The following COL15A1 variants were observed in gnomAD, a reference collection of about 807,000 sequenced individuals.
COL15A1 encodes collagen alpha-1(XV) chain.
A neutral mutation model predicts 165.9 loss-of-function variants in COL15A1; 111 were observed. The ratio of observed to expected loss-of-function variants is 0.67; its 90% CI spans 0.57 to 0.78. COL15A1 has a LOEUF of 0.78. Among genes scored for constraint, COL15A1 ranks in the 30% least tolerant of loss-of-function variants. The pLI is 0.00. For missense variants in COL15A1, 1,745 were observed against 1,789.7 expected (o/e 0.98, Z 0.45); for synonymous variants, 659 against 674.8 (o/e 0.98, Z 0.36).
chr9:99,009,358 T>C (rs1004957679), intron 9 of COL15A1, among the ~76,000 whole-genome samples: 1 of 152,244 alleles, frequency 6.6e-6, no homozygotes, highest in Non-Finnish European at 1.5e-5. Context: ...AGGAATTTCA[T>C]ACAACTCTGA....
intron 12 of COL15A1, 143 bp downstream of exon 12, chr9:99,020,585 A>G: frequency 1.6e-6 from 1 of 633,058 alleles, no homozygotes; most frequent in Non-Finnish European, 2.8e-6. Flanking sequence ...ATGGACTTGT[A>G]GGTCTGGGAG....
In COL15A1 at chr9:99,003,594, A is replaced by G. The variant is rs756431356; in HGVS notation, c.1200+7A>G. ...AGAGGAAGGGGTCACTCCAGTAAGT[A>G]GCTCAGAGCGCAAGCTCCCCTTCAC... is the stretch of plus-strand genomic sequence containing the variant. On this transcript the variant is annotated splice_region_variant and intron_variant, in intron 8 of 41. Coordinates refer to ENST00000375001, the MANE Select transcript of COL15A1 (RefSeq NM_001855.5). The G allele has an allele frequency of 4.1e-6, 6 of 1,478,046 alleles. No individual in the cohort carries two copies. Among genetic ancestry groups the G allele is most frequent in the Non-Finnish European group, 4.5e-6 (5 of 1,111,400 alleles). The allele number at this position is 1,478,046 out of a possible 1,614,324, so 91.6% of individuals were successfully genotyped here.
At chr9:98,945,226 T>A (rs1189047765) in intron 2 of COL15A1, among the ~76,000 whole-genome samples, 2 of 152,220 alleles carry the variant, frequency 1.3e-5, no homozygotes, top group Non-Finnish European at 2.9e-5. Flanking sequence ...TGGTCATGTG[T>A]GGTTTTTTAC....
At chr9:99,020,519 A>T in intron 12 of COL15A1, 77 bp downstream of exon 12, 2 of 1,038,536 alleles carry the variant, frequency 1.9e-6, no homozygotes, top group South Asian at 2.6e-5. Flanking sequence ...GGTTTGATTT[A>T]GCCCACTCTG....
chr9:99,023,741 G>A (rs527514994), intron 14 of COL15A1, among the ~76,000 whole-genome samples: 3 of 152,300 alleles, frequency 2.0e-5, no homozygotes, highest in South Asian at 4.1e-4. Context: ...CTGCCCTGCA[G>A]CAGGTGTGCC....
At chr9:99,016,202 G>A in intron 11 of COL15A1, 83 bp downstream of exon 11, 1 of 1,471,998 alleles carries the variant, frequency 6.8e-7, no homozygotes, top group Non-Finnish European at 9.0e-7. Flanking sequence ...GGAAGGGCTG[G>A]CCCCCAGCTT....
At chr9:98,974,445 T>C (rs1228842709) in intron 2 of COL15A1, among the ~76,000 whole-genome samples, 2 of 152,074 alleles carry the variant, frequency 1.3e-5, no homozygotes, top group Admixed American at 6.5e-5. Context: ...GAAAGAACCG[T>C]CCCAGAAGAT....
chr9:99,012,627 C>G (rs532345748), intron 9 of COL15A1, among the ~76,000 whole-genome samples: 12 of 151,728 alleles, frequency 7.9e-5, no homozygotes, highest in African/African-American at 2.9e-4. Flanking sequence ...GAAGAGGCAC[C>G]ATAAAACCAA....
intron 16 of COL15A1, among the ~76,000 whole-genome samples, chr9:99,027,202 G>T (rs779630149): frequency 6.6e-6 from 1 of 152,196 alleles, no homozygotes; most frequent in Non-Finnish European, 1.5e-5. Context: ...GATGCGATCA[G>T]TGGGTTTTAC....
intron 5 of COL15A1, among the ~76,000 whole-genome samples, chr9:98,995,495 TC>T (rs1480449450): frequency 1.3e-5 from 2 of 152,054 alleles, no homozygotes; most frequent in Non-Finnish European, 2.9e-5. Flanking sequence ...CCCATTCTTC[TC>T]CCCACAGAAC....
chr9:98,973,522 C>T (rs952842018), intron 2 of COL15A1, among the ~76,000 whole-genome samples: 5 of 152,194 alleles, frequency 3.3e-5, no homozygotes, highest in South Asian at 4.1e-4. Flanking sequence ...AAGAACCTCT[C>T]GCACCTTTGC....
At chr9:98,981,587 T>G (rs1265870541) in intron 2 of COL15A1, among the ~76,000 whole-genome samples, 1 of 152,216 alleles carries the variant, frequency 6.6e-6, no homozygotes, top group Non-Finnish European at 1.5e-5. Context: ...ACCATTTATA[T>G]GAGGTGTAGA....
intron 39 of COL15A1, among the ~76,000 whole-genome samples, chr9:99,065,548 A>G (rs1317582258): frequency 5.3e-5 from 8 of 151,316 alleles, no homozygotes; most frequent in Admixed American, 6.6e-5. Context: ...TCTTACCCTA[A>G]TGGCTGGGAA....
At chr9:99,056,500 C>T (rs761932450) in intron 35 of COL15A1, 96 bp downstream of exon 35, 24 of 1,472,998 alleles carry the variant, frequency 1.6e-5, no homozygotes, top group Non-Finnish European at 2.0e-5. Flanking sequence ...CACTGCCTAA[C>T]AGAGGGCTTT....
At chr9:99,014,704 G>A (rs1328422957) in intron 9 of COL15A1, among the ~76,000 whole-genome samples, 1 of 152,164 alleles carries the variant, frequency 6.6e-6, no homozygotes, top group Non-Finnish European at 1.5e-5. Flanking sequence ...ACAGCCTCAG[G>A]AGATCCTGAC....
intron 16 of COL15A1, among the ~76,000 whole-genome samples, chr9:99,033,460 C>G (rs1179362587): frequency 6.6e-6 from 1 of 152,230 alleles, no homozygotes; most frequent in Non-Finnish European, 1.5e-5. Flanking sequence ...TATCTACCTT[C>G]TGGGGCCCAG....
At chr9:99,002,435 C>A (rs1218489501) in intron 7 of COL15A1, among the ~76,000 whole-genome samples, 2 of 152,202 alleles carry the variant, frequency 1.3e-5, no homozygotes, top group Non-Finnish European at 2.9e-5. Context: ...ACTGAAAATT[C>A]TTTCCAAAGG....
chr9:99,038,830 G>T (rs1033923796), intron 22 of COL15A1, 97 bp downstream of exon 22: 3 of 755,592 alleles, frequency 4.0e-6, no homozygotes, highest in Non-Finnish European at 7.2e-6. Context: ...CTCCTGAAGC[G>T]TAGAGCTAGA....
intron 11 of COL15A1, 61 bp from the exon 12 acceptor site, chr9:99,020,328 T>C: frequency 1.6e-6 from 2 of 1,236,946 alleles, no homozygotes; most frequent in South Asian, 2.4e-5. Flanking sequence ...TCATCGGAAC[T>C]CAGCAGCCCC....
Sources: allele counts gnomAD v4.1 joint callset (sites outside exome capture counted in the v4.1 genomes callset), GRCh38; gene constraint gnomAD v4.1.1; transcripts MANE v1.5; gene names NCBI Gene and HGNC (gene_info 2026-07-23, HGNC 2026-07-21).